The following PEX5 variants were observed in gnomAD, a reference collection of about 807,000 sequenced individuals.
PEX5 encodes peroxisomal biogenesis factor 5.
Under a neutral mutation model 82.9 loss-of-function variants are expected in PEX5, and 52 were observed. That is an observed-to-expected ratio of 0.63 (90% CI 0.50 to 0.79). The LOEUF is 0.79. Ranked by LOEUF, PEX5 falls within the 30% of genes least tolerant of loss-of-function variation. The probability of loss-of-function intolerance (pLI) is 0.00; values close to 1 mark genes in which losing one functional copy is unlikely to be tolerated. For missense variants in PEX5, 719 were observed against 815.2 expected, an observed-to-expected ratio of 0.88 and a Z score of 1.44; for synonymous variants, 300 against 318.8, an observed-to-expected ratio of 0.94 and a Z score of 0.63.
intron 5 of PEX5, among the ~76,000 whole-genome samples, chr12:7,194,779 A>G (rs1426219889): frequency 2.0e-5 from 3 of 152,332 alleles, no homozygotes; most frequent in South Asian, 4.1e-4. Flanking sequence ...GGGAAAAGCC[A>G]TGGATAGCAG....
downstream of PEX5, among the ~76,000 whole-genome samples, chr12:7,213,109 C>T (rs1945671003): frequency 6.6e-6 from 1 of 151,706 alleles, no homozygotes; most frequent in Admixed American, 6.6e-5. Flanking sequence ...ATTCCATGCT[C>T]ATGGGTAGGA....
Position 7,203,211 on chromosome 12 carries a change from CTGCACTGCACTACAT to C in PEX5, c.847-219_847-205del, listed in dbSNP as rs1181844136. On this transcript the variant is annotated intron_variant, in intron 9 of 15. Coordinates refer to ENST00000675855, the MANE Select transcript of PEX5 (RefSeq NM_001351132.2). ...CTGCACTGCACTGCACTGCACTGCA[CTGCACTGCACTACAT>C]TACATTTCTGGCCATCACCCCAGAC... Among the ~76,000 whole-genome samples the C allele has an allele frequency of 1.6e-4, 2 of 12,614 alleles. 1 individual carries two copies. Among genetic ancestry groups the C allele is most frequent in the Non-Finnish European group, 6.3e-4 (2 of 3,160 alleles). 8.3% of individuals were successfully genotyped at this position (12,614 alleles called of 152,430 possible). A position where few individuals can be genotyped will look rare whatever the true frequency, so the allele number is the denominator to read the frequency against.
chr12:7,199,448 C>T (rs2136083028), intron 6 of PEX5, among the ~76,000 whole-genome samples: 1 of 149,956 alleles, frequency 6.7e-6, no homozygotes, highest in Admixed American at 6.7e-5. Context: ...TAACAAAGCA[C>T]ATCTTGCACC....
downstream of PEX5, among the ~76,000 whole-genome samples, chr12:7,214,256 A>G (rs1023609069): frequency 4.6e-5 from 7 of 152,196 alleles, no homozygotes; most frequent in Admixed American, 2.0e-4. Context: ...TCATGCTGCT[A>G]TAAAGACGCA....
intron 10 of PEX5, among the ~76,000 whole-genome samples, chr12:7,204,173 G>T (rs1314212548): frequency 6.6e-6 from 1 of 152,196 alleles, no homozygotes; most frequent in Admixed American, 6.5e-5. Context: ...CCTGTGGGTT[G>T]TAGGATATTT....
chr12:7,208,371 C>T, intron 12 of PEX5, 86 bp from the exon 13 acceptor site: 1 of 988,674 alleles, frequency 1.0e-6, no homozygotes. Flanking sequence ...CTCTGCATTT[C>T]AAAGCTTGGC....
At chr12:7,211,773 T>C (rs1257686724), downstream of PEX5, among the ~76,000 whole-genome samples, 2 of 152,088 alleles carry the variant, frequency 1.3e-5, no homozygotes, top group African/African-American at 4.8e-5. Context: ...TGGAAGGATT[T>C]TGATAGTTTT....
At position 7,207,755 on chromosome 12, in the gene PEX5, G is replaced by A. The variant is rs1404674097; in HGVS notation, c.1063G>A (p.Val355Met). 3 of 1,614,120 alleles carry A rather than the reference G, an allele frequency of 1.9e-6. No homozygotes were observed. Among genetic ancestry groups the A allele is most frequent in the South Asian group, 1.1e-5 (1 of 91,076 alleles). ...TCAGGAGGGGGACCTGCCAAATGCT[G>A]TGCTGCTTTTTGAGGCAGCTGTGCA... ...RLQEGDLPNA[V>M]LLFEAAVQQD... The change falls in exon 11 of 16, where the codon GTG (valine) becomes ATG (methionine). Residue 355 changes from valine to methionine, a missense_variant. Val to Met is a conservative substitution (Grantham distance 21). Transcript: ENST00000675855.
rs1023747668 is a variant in PEX5, at chr12:7,202,552, T to C, written c.754-60T>C. On this transcript the variant is annotated intron_variant, in intron 8 of 15. Coordinates refer to ENST00000675855, the MANE Select transcript of PEX5 (RefSeq NM_001351132.2). ...TTGGTGGTGGTTAGTGGGTATTTAG[T>C]GTGCGTCTGATGGATAGAAAGTTGG... is the stretch of plus-strand genomic sequence containing the variant. The C allele has an allele frequency of 6.1e-6, 9 of 1,480,440 alleles. No homozygotes were observed. The African/African-American group carries it at 1.2e-4, about 20-fold the overall frequency. 91.7% of individuals were successfully genotyped at this position (1,480,440 alleles called of 1,614,324 possible). A position where few individuals can be genotyped will look rare whatever the true frequency, so the allele number is the denominator to read the frequency against.
At chr12:7,200,098 T>C (rs1303719045) in intron 6 of PEX5, among the ~76,000 whole-genome samples, 2 of 137,464 alleles carry the variant, frequency 1.5e-5, no homozygotes, top group Non-Finnish European at 3.2e-5. Flanking sequence ...CCGGACGGGG[T>C]GGCTGCCGGG....
intron 6 of PEX5, among the ~76,000 whole-genome samples, chr12:7,199,937 A>G (rs1207545124): frequency 4.7e-5 from 4 of 85,146 alleles, no homozygotes; most frequent in South Asian, 5.1e-4. Context: ...GCTGACCCCC[A>G]CCTCCCTCCT....
rs80088548 is a variant in PEX5, at chr12:7,190,785, C to T, written c.148-103C>T. 1.5e-4 allele frequency: 206 copies of T among 1,332,870 alleles called. 2 individuals carry two copies. In the East Asian group the frequency reaches 3.9e-3, roughly 26 times the overall value. 82.6% of individuals were successfully genotyped at this position (1,332,870 alleles called of 1,614,324 possible). A position where few individuals can be genotyped will look rare whatever the true frequency, so the allele number is the denominator to read the frequency against. On this transcript the variant is annotated intron_variant, in intron 2 of 15. Coordinates refer to ENST00000675855, the MANE Select transcript of PEX5 (RefSeq NM_001351132.2). ...CTGTGCACCTTTAAATAAATGCAAC[C>T]ATTTTATAGATGAAGAAGCCGAGGC...
downstream of PEX5, among the ~76,000 whole-genome samples, chr12:7,215,229 T>C (rs2136294019): frequency 6.6e-6 from 1 of 152,276 alleles, no homozygotes; most frequent in Non-Finnish European, 1.5e-5. Flanking sequence ...AGAATGACTA[T>C]TATTAAAAAG....
Position 7,205,354 on chromosome 12 carries a change from T to A in PEX5, c.966+1803T>A, listed in dbSNP as rs1260340119. The stretch of plus-strand genomic sequence containing the variant: ...TGAATTCCATGTCAATAGAACTTTT[T>A]AAAAACAAAGGACTTGACTCTTGAT... On this transcript the variant is annotated intron_variant, in intron 10 of 15. Coordinates refer to ENST00000675855, the MANE Select transcript of PEX5 (RefSeq NM_001351132.2). Among the ~76,000 whole-genome samples the A allele has an allele frequency of 4.6e-5, 7 of 152,234 alleles. No individual in the cohort carries two copies. In the East Asian group the frequency reaches 1.3e-3, roughly 29 times the overall value.
intron 1 of PEX5, 105 bp from the exon 2 acceptor site, chr12:7,190,257 G>T: frequency 6.3e-7 from 1 of 1,593,286 alleles, no homozygotes; most frequent in South Asian, 1.1e-5. Flanking sequence ...AGGGCGGCCA[G>T]TGTGGGGCAG....
At chr12:7,211,834 C>T (rs559306655), downstream of PEX5, among the ~76,000 whole-genome samples, 114 of 151,964 alleles carry the variant, frequency 7.5e-4, no homozygotes, top group South Asian at 0.016. Flanking sequence ...CTGCCTTTAT[C>T]GGGAACTGTA....
At chr12:7,189,937 C>A (rs1565667538) in intron 1 of PEX5, 187 bp downstream of exon 1, 1 of 1,476,070 alleles carries the variant, frequency 6.8e-7, no homozygotes. Flanking sequence ...GGAGGGAATG[C>A]TCCTCTGCCG....
At chr12:7,214,334 G>C (rs765523472), downstream of PEX5, among the ~76,000 whole-genome samples, 2,002 of 151,946 alleles carry the variant, frequency 0.013, 22 homozygotes, top group Non-Finnish European at 0.02. Context: ...GTCCAACAAC[G>C]ATAGACTGGA....
At chr12:7,208,419 A>G (rs1172731958) in intron 12 of PEX5, 38 bp from the exon 13 acceptor site, 3 of 1,487,546 alleles carry the variant, frequency 2.0e-6, no homozygotes, top group East Asian at 2.3e-5. Context: ...AGTGTCAGTC[A>G]TTGCAGATAT....
Sources: allele counts gnomAD v4.1 joint callset (sites outside exome capture counted in the v4.1 genomes callset), GRCh38; gene constraint gnomAD v4.1.1; transcripts MANE v1.5; gene names NCBI Gene and HGNC (gene_info 2026-07-23, HGNC 2026-07-21).